Variants in GLI3 observed in about 807,000 individuals in gnomAD.
GLI3 encodes GLI family zinc finger 3, also known as transcription activator GLI3.
GLI3 carries 20 observed loss-of-function variants against 100.8 expected under a neutral mutation model. The observed-to-expected ratio is 0.20, with a 90% CI of 0.14 to 0.29. The LOEUF (loss-of-function observed/expected upper bound fraction) is 0.29. Ranked by LOEUF, GLI3 falls within the 10% of genes least tolerant of loss-of-function variation. The pLI, the probability that GLI3 is intolerant of heterozygous loss-of-function variation, is 1.00. For synonymous variants in GLI3, 938 were observed against 860.5 expected (o/e 1.09, Z -1.58); for missense variants, 2,040 against 2,128.5 (o/e 0.96, Z 0.82).
At chr7:42,013,452 G>A (rs1214899737) in intron 10 of GLI3, among the ~76,000 whole-genome samples, 1 of 151,676 alleles carries the variant, frequency 6.6e-6, no homozygotes, top group East Asian at 1.9e-4. Flanking sequence ...GAGTACAGTG[G>A]TGCAATCATA....
intron 12 of GLI3, among the ~76,000 whole-genome samples, chr7:41,973,261 T>C (rs909296483): frequency 6.6e-6 from 1 of 152,204 alleles, no homozygotes. Flanking sequence ...ACCTTTCTGC[T>C]CTTTGAAGTT....
At chr7:42,240,239 A>AT (rs1390047100), upstream of GLI3, among the ~76,000 whole-genome samples, 2 of 152,344 alleles carry the variant, frequency 1.3e-5, no homozygotes, top group East Asian at 3.9e-4. Flanking sequence ...TCAAATGCAG[A>AT]TATCTTAAGA....
chr7:41,993,353 A>G (rs1282681096), intron 10 of GLI3, among the ~76,000 whole-genome samples: 1 of 152,172 alleles, frequency 6.6e-6, no homozygotes, highest in African/African-American at 2.4e-5. Context: ...GACCTCTGGC[A>G]GTCCTTCTTC....
chr7:42,223,997 G>C (rs565062458), intron 1 of GLI3, among the ~76,000 whole-genome samples: 8 of 152,330 alleles, frequency 5.3e-5, no homozygotes, highest in African/African-American at 1.9e-4. Flanking sequence ...AAAGTTGAAA[G>C]GTGCCTTAGC....
At chr7:42,224,272 CTTAT>C (rs1788544257) in intron 1 of GLI3, among the ~76,000 whole-genome samples, 1 of 152,172 alleles carries the variant, frequency 6.6e-6, no homozygotes, top group South Asian at 2.1e-4. Context: ...GGCCATCTTG[CTTAT>C]TTTTCTACAT....
chr7:42,187,740 C>A (rs886108865), intron 2 of GLI3, among the ~76,000 whole-genome samples: 1 of 152,022 alleles, frequency 6.6e-6, no homozygotes, highest in African/African-American at 2.4e-5. Flanking sequence ...CACAGTGGCT[C>A]ACACCTGTAA....
chr7:42,254,953 C>T (rs1346810143), intron 1 of GLI3, among the ~76,000 whole-genome samples: 2 of 152,072 alleles, frequency 1.3e-5, no homozygotes, highest in Non-Finnish European at 2.9e-5. Context: ...GTAATGAAAC[C>T]TAGATCCTGG....
At chr7:42,013,281 A>G (rs980187253) in intron 10 of GLI3, among the ~76,000 whole-genome samples, 8 of 152,212 alleles carry the variant, frequency 5.3e-5, no homozygotes, top group Admixed American at 4.6e-4. Flanking sequence ...TATTCGTCCA[A>G]AACAATCCTG....
intron 10 of GLI3, among the ~76,000 whole-genome samples, chr7:42,013,794 C>T (rs1481161208): frequency 6.6e-6 from 1 of 152,152 alleles, no homozygotes. Flanking sequence ...CATAAACTAT[C>T]AGAGATAATT....
At chr7:42,232,686 C>A (rs749848652) in intron 1 of GLI3, among the ~76,000 whole-genome samples, 1 of 152,188 alleles carries the variant, frequency 6.6e-6, no homozygotes, top group Non-Finnish European at 1.5e-5. Flanking sequence ...ATGCAAAATG[C>A]AGAAGTGCCA....
Position 41,977,714 on chromosome 7 carries a change from A to T in GLI3, c.1656T>A (p.Gly552=), listed in dbSNP as rs757011582. The T allele has an allele frequency of 1.9e-6, 3 of 1,614,022 alleles. No homozygotes were observed. The highest frequency in any genetic ancestry group is 2.5e-6 in the Non-Finnish European group (3 of 1,179,852). The change falls in exon 12 of 15, where the codon GGT becomes GGA. Residue 552 remains glycine, a synonymous_variant. Coordinates refer to ENST00000395925, the MANE Select transcript of GLI3 (RefSeq NM_000168.6). ...GEKPHKCTFE[G]CTKAYSRLEN... ...CTAGTCTCGAGTAGGCCTTTGTGCA[A>T]CCTTCAAACTGAGGACAACAGGTAA...
At position 42,058,509 on chromosome 7, in the gene GLI3, A is replaced by G. The variant is rs78622665; in HGVS notation, c.474-9813T>C. ...AAATTGATACACATTTTTATTTCTC[A>G]AAACTTACAAAATATTGATGCTTTA... On this transcript the variant is annotated intron_variant, in intron 4 of 14. Transcript: ENST00000395925. Among the ~76,000 whole-genome samples the G allele has an allele frequency of 8.3e-3, 1,267 of 152,352 alleles. 26 individuals are homozygous for G. The highest frequency in any genetic ancestry group is 0.029 in the African/African-American group (1,206 of 41,582).
Position 41,961,572 on chromosome 7 carries a change from C to T in GLI3, c.*2758G>A, listed in dbSNP as rs539144419. 1.1e-4 allele frequency: 17 copies of T among 152,288 alleles called. No homozygotes were observed. Among genetic ancestry groups the T allele is most frequent in the African/African-American group, 2.2e-4 (9 of 41,498 alleles). 9.4% of individuals were successfully genotyped at this position (152,288 alleles called of 1,614,324 possible). A position where few individuals can be genotyped will look rare whatever the true frequency, so the allele number is the denominator to read the frequency against. Reference sequence around the variant, plus strand: ...AAATAAAACAAAAATGGTTAGAAAACGTTTAACACAGACATTAAGCAGGAG... The same window carrying T: ...AAATAAAACAAAAATGGTTAGAAAATGTTTAACACAGACATTAAGCAGGAG... On this transcript the variant is annotated 3_prime_UTR_variant, in exon 15 of 15. Transcript: ENST00000395925.
intron 1 of GLI3, among the ~76,000 whole-genome samples, chr7:42,257,231 T>A (rs980077091): frequency 1.3e-5 from 2 of 152,256 alleles, no homozygotes; most frequent in East Asian, 3.9e-4. Context: ...CCAATCTAGA[T>A]ACCACTAAAT....
chr7:42,238,285 C>T (rs530257238), upstream of GLI3, among the ~76,000 whole-genome samples: 144 of 152,222 alleles, frequency 9.5e-4, no homozygotes, highest in African/African-American at 3.3e-3. Flanking sequence ...CACCCAGCCT[C>T]TCTTTCTCAC....
intron 2 of GLI3, among the ~76,000 whole-genome samples, chr7:42,207,060 A>G (rs573896596): frequency 6.6e-6 from 1 of 152,220 alleles, no homozygotes; most frequent in Admixed American, 6.5e-5. Context: ...CCAAGTGTTG[A>G]CACGAATGAG....
rs1784296510 is a variant in GLI3, at chr7:42,048,707, A to C, written c.474-11T>G. On this transcript the variant is annotated splice_polypyrimidine_tract_variant and intron_variant, in intron 4 of 14. Transcript: ENST00000395925. ...GATAAGGCGGAAGTCCTGGGTACAA[A>C]GAAAACCAGATACAAGGGGTATGCA... 2.5e-6 allele frequency: 4 copies of C among 1,585,810 alleles called. No individual in the cohort carries two copies. In the African/African-American group the frequency reaches 5.4e-5, roughly 22 times the overall value.
At chr7:42,219,122 T>G (rs1293309713) in intron 2 of GLI3, among the ~76,000 whole-genome samples, 4 of 152,230 alleles carry the variant, frequency 2.6e-5, no homozygotes, top group Non-Finnish European at 5.9e-5. Flanking sequence ...CTTCACACAT[T>G]AATGGACTTG....
intron 3 of GLI3, among the ~76,000 whole-genome samples, chr7:42,111,825 G>A (rs747344920): frequency 2.6e-5 from 4 of 152,142 alleles, no homozygotes; most frequent in Admixed American, 2.0e-4. Flanking sequence ...AGTCTGTAAC[G>A]TGATCATGAG....
Sources: gnomAD v4.1 joint callset for allele counts (sites outside exome capture counted in the v4.1 genomes callset) on GRCh38, gnomAD v4.1.1 for gene constraint, MANE v1.5 for transcripts, NCBI Gene and HGNC (gene_info 2026-07-23, HGNC 2026-07-21) for gene names.